Variants in RBFOX2 observed in about 807,000 individuals in gnomAD.
RBFOX2 encodes RNA binding fox-1 homolog 2, also known as RNA binding protein fox-1 homolog 2.
Under a neutral mutation model 49.1 loss-of-function variants are expected in RBFOX2, and 10 were observed. The ratio of observed to expected loss-of-function variants is 0.20; its 90% CI spans 0.13 to 0.35. The LOEUF is 0.35. Among genes scored for constraint, RBFOX2 ranks in the 10% least tolerant of loss-of-function variants. The pLI is 1.00. For missense variants in RBFOX2, 323 were observed against 486.9 expected, an observed-to-expected ratio of 0.66 and a Z score of 3.17; for synonymous variants, 183 against 187.4, an observed-to-expected ratio of 0.98 and a Z score of 0.19.
chr22:35,821,523 G>A (rs1224754586), intron 1 of RBFOX2, among the ~76,000 whole-genome samples: 5 of 149,800 alleles, frequency 3.3e-5, no homozygotes, highest in Non-Finnish European at 7.4e-5. Context: ...TTGAACCTGG[G>A]AGGTGGAGGT....
chr22:35,815,447 A>C (rs1286334901), intron 1 of RBFOX2, among the ~76,000 whole-genome samples: 1 of 152,208 alleles, frequency 6.6e-6, no homozygotes, highest in Non-Finnish European at 1.5e-5. Flanking sequence ...GTAATCTTTG[A>C]GAGAGAAGGG....
chr22:35,839,367 C>G (rs551304080), intron 1 of RBFOX2, among the ~76,000 whole-genome samples: 162 of 146,966 alleles, frequency 1.1e-3, no homozygotes, highest in African/African-American at 3.9e-3. Context: ...CCTGGCATAA[C>G]CAAAAAGAGG....
At chr22:35,757,140 T>C (rs1209326903) in intron 9 of RBFOX2, among the ~76,000 whole-genome samples, 1 of 151,844 alleles carries the variant, frequency 6.6e-6, no homozygotes, top group East Asian at 1.9e-4. Context: ...AGAATACATC[T>C]GAGAAGGTAG....
intron 1 of RBFOX2, among the ~76,000 whole-genome samples, chr22:36,005,011 C>G (rs926496003): frequency 2.0e-5 from 3 of 152,172 alleles, no homozygotes; most frequent in African/African-American, 7.2e-5. Flanking sequence ...CTAACATAAG[C>G]TCATTCAACT....
At chr22:35,904,834 T>C (rs1324841887) in intron 1 of RBFOX2, among the ~76,000 whole-genome samples, 1 of 152,322 alleles carries the variant, frequency 6.6e-6, no homozygotes, top group Non-Finnish European at 1.5e-5. Context: ...TATGTGGTTA[T>C]GTGAATTTAA....
At chr22:35,743,623 T>C (rs1040204589) in exon 12 of RBFOX2, 1 of 152,554 alleles carries the variant, frequency 6.6e-6, no homozygotes, top group Non-Finnish European at 1.5e-5. Flanking sequence ...AGCGTCTTTT[T>C]AATTCTCCTG....
At chr22:35,809,537 A>G (rs1393403900) in intron 2 of RBFOX2, among the ~76,000 whole-genome samples, 4 of 152,168 alleles carry the variant, frequency 2.6e-5, no homozygotes, top group African/African-American at 9.7e-5. Context: ...TTGAACAGAG[A>G]AGGAGGCAGG....
intron 6 of RBFOX2, 61 bp downstream of exon 7, chr22:35,765,362 T>C (rs760677410): frequency 2.5e-6 from 3 of 1,220,746 alleles, no homozygotes; most frequent in Non-Finnish European, 3.5e-6. Context: ...CTTAGAAGTT[T>C]ATAAAAACTT....
chr22:35,998,581 T>G (rs1449874267), intron 1 of RBFOX2: 1 of 152,240 alleles, frequency 6.6e-6, no homozygotes, highest in Non-Finnish European at 1.5e-5. Flanking sequence ...TTCACCACGT[T>G]GACCAGACTG....
chr22:35,935,092 A>C (rs2052903009), intron 1 of RBFOX2, among the ~76,000 whole-genome samples: 1 of 151,486 alleles, frequency 6.6e-6, no homozygotes, highest in African/African-American at 2.4e-5. Context: ...ACACCACTAC[A>C]CCCGGCTGAT....
intron 1 of RBFOX2, among the ~76,000 whole-genome samples, chr22:35,859,351 A>G (rs1569409839): frequency 1.3e-5 from 2 of 152,344 alleles, no homozygotes; most frequent in East Asian, 3.9e-4. Flanking sequence ...CATAGCATAC[A>G]TGAAGCCATA....
chr22:35,985,201 G>C (rs1363809801), intron 1 of RBFOX2, among the ~76,000 whole-genome samples: 1 of 151,836 alleles, frequency 6.6e-6, no homozygotes, highest in Non-Finnish European at 1.5e-5. Flanking sequence ...TATTTTGAAT[G>C]AACAACAAAA....
At chr22:35,952,986 C>T (rs938582900) in intron 1 of RBFOX2, among the ~76,000 whole-genome samples, 5 of 151,696 alleles carry the variant, frequency 3.3e-5, no homozygotes, top group African/African-American at 7.3e-5. Context: ...CTGTGGCGGG[C>T]GGATCACGAG....
At chr22:35,812,534 C>T (rs1261860458) in intron 1 of RBFOX2, among the ~76,000 whole-genome samples, 2 of 152,126 alleles carry the variant, frequency 1.3e-5, no homozygotes, top group East Asian at 1.9e-4. Context: ...CATACTGCTT[C>T]AGAAGCCCTC....
intron 1 of RBFOX2, among the ~76,000 whole-genome samples, chr22:35,887,891 T>C (rs913503560): frequency 6.6e-6 from 1 of 152,188 alleles, no homozygotes; most frequent in African/African-American, 2.4e-5. Context: ...ATCAAGCGTT[T>C]GCTTACAATA....
At chr22:35,962,968 G>GA (rs1174790102), upstream of RBFOX2, among the ~76,000 whole-genome samples, 1 of 135,764 alleles carries the variant, frequency 7.4e-6, no homozygotes, top group Non-Finnish European at 1.5e-5. Context: ...AGGAAAGGGA[G>GA]AAAAGGAATG....
At chr22:35,795,254 A>G (rs1285659680) in intron 2 of RBFOX2, among the ~76,000 whole-genome samples, 3 of 152,124 alleles carry the variant, frequency 2.0e-5, no homozygotes, top group African/African-American at 7.2e-5. Flanking sequence ...TTTGAGGGAA[A>G]AATAAGAGCC....
At chr22:35,837,488 A>AACACAC (rs561629926) in intron 1 of RBFOX2, among the ~76,000 whole-genome samples, 1 of 139,622 alleles carries the variant, frequency 7.2e-6, no homozygotes, top group Non-Finnish European at 1.5e-5. Flanking sequence ...GTCTGGCTCA[A>AACACAC]ACACACACAC....
At chr22:35,744,905 A>G (rs1473387651) in intron 11 of RBFOX2, among the ~76,000 whole-genome samples, 1 of 152,200 alleles carries the variant, frequency 6.6e-6, no homozygotes, top group African/African-American at 2.4e-5. Context: ...TTCAATTAGA[A>G]GTTTCCCAGG....
Sources: gnomAD v4.1 joint callset for allele counts (sites outside exome capture counted in the v4.1 genomes callset) on GRCh38, gnomAD v4.1.1 for gene constraint, MANE v1.5 for transcripts, NCBI Gene and HGNC (gene_info 2026-07-23, HGNC 2026-07-21) for gene names.